Variants in PRDM10 observed in about 807,000 individuals in gnomAD.
The protein encoded by PRDM10 is PR domain zinc finger protein 10.
PRDM10 carries 65 observed loss-of-function variants against 133.1 expected under a neutral mutation model. That is an observed-to-expected ratio of 0.49 (90% CI 0.40 to 0.60). The LOEUF (loss-of-function observed/expected upper bound fraction) is 0.60. Among genes scored for constraint, PRDM10 ranks in the 20% least tolerant of loss-of-function variants. The probability of loss-of-function intolerance (pLI) is 0.00; values close to 1 mark genes in which losing one functional copy is unlikely to be tolerated. For missense variants in PRDM10, 1,137 were observed against 1,507.1 expected, an observed-to-expected ratio of 0.75 and a Z score of 4.07; for synonymous variants, 582 against 580.4, an observed-to-expected ratio of 1.00 and a Z score of -0.04.
intron 1 of PRDM10, among the ~76,000 whole-genome samples, chr11:129,971,777 G>A (rs528706414): frequency 4.6e-5 from 7 of 152,370 alleles, no homozygotes; most frequent in African/African-American, 1.7e-4. Context: ...TCACCCAGTG[G>A]ATCCCGCACC....
intron 11 of PRDM10, among the ~76,000 whole-genome samples, chr11:129,930,101 C>A (rs1950805378): frequency 6.6e-6 from 1 of 152,198 alleles, no homozygotes; most frequent in African/African-American, 2.4e-5. Context: ...ATGGACTAGA[C>A]TATTTTTCAA....
At chr11:129,920,115 T>C (rs1950479453) in intron 13 of PRDM10, among the ~76,000 whole-genome samples, 1 of 152,180 alleles carries the variant, frequency 6.6e-6, no homozygotes, top group South Asian at 2.1e-4. Context: ...TCCCACTTTT[T>C]TCTAAGCATC....
At chr11:129,978,917 T>C (rs1937945018) in intron 1 of PRDM10, among the ~76,000 whole-genome samples, 1 of 152,180 alleles carries the variant, frequency 6.6e-6, no homozygotes. Flanking sequence ...TTGTTAGCGA[T>C]GCATCAGGGC....
chr11:129,998,778 G>A (rs1230422533), intron 1 of PRDM10, among the ~76,000 whole-genome samples: 1 of 151,530 alleles, frequency 6.6e-6, no homozygotes, highest in Non-Finnish European at 1.5e-5. Context: ...AATGGCCAGA[G>A]TGCTCCACAC....
At chr11:129,998,035 C>T (rs1939151834) in intron 1 of PRDM10, among the ~76,000 whole-genome samples, 1 of 152,130 alleles carries the variant, frequency 6.6e-6, no homozygotes, top group African/African-American at 2.4e-5. Context: ...AAGCCACATA[C>T]ATAATTTAAA....
chr11:129,910,516 G>C lies in PRDM10; in HGVS notation c.3123C>G (p.His1041Gln). Residue 1041 changes from histidine to glutamine, a missense_variant, in exon 19 of 21, where the codon CAC (histidine) becomes CAG (glutamine). This residue lies in a region of PRDM10 where 243 missense variants were observed against 259.2 expected (regional missense o/e 0.94). Transcript: ENST00000360871. The stretch of plus-strand genomic sequence containing the variant: ...AATTCCAAGCACTGGGCAGGTACGT[G>C]TGCTGCACAGAGGAATTCTGCTGCT... The part of the protein sequence containing the change: ...QQQQQNSSVQ[H>Q]TYLPSAWNSF... 6.2e-7 allele frequency: 1 copy of C among 1,614,142 alleles called. No homozygotes were observed. The highest frequency in any genetic ancestry group is 8.5e-7 in the Non-Finnish European group (1 of 1,180,026).
intron 9 of PRDM10, 32 bp downstream of exon 9, chr11:129,935,069 T>C: frequency 6.5e-7 from 1 of 1,540,190 alleles, no homozygotes; most frequent in East Asian, 2.3e-5. Flanking sequence ...CTTTATGAAC[T>C]CAGTCTGTGA....
intron 1 of PRDM10, among the ~76,000 whole-genome samples, chr11:129,966,455 C>T (rs1022314728): frequency 5.9e-5 from 9 of 152,194 alleles, no homozygotes; most frequent in African/African-American, 2.2e-4. Flanking sequence ...TCACTGCCCA[C>T]TCATGTGTGA....
chr11:129,979,997 A>G (rs1246063667), intron 1 of PRDM10, among the ~76,000 whole-genome samples: 4 of 152,260 alleles, frequency 2.6e-5, no homozygotes, highest in Admixed American at 2.0e-4. Context: ...TAAAGCCACA[A>G]TGAGATGCAC....
At position 129,902,176 on chromosome 11, in the gene PRDM10, T is replaced by C; in HGVS notation, c.*137A>G. 1 of 1,244,094 alleles carries C rather than the reference T, an allele frequency of 8.0e-7. No homozygotes were observed. The allele number at this position is 1,244,094 out of a possible 1,614,324, so 77.1% of individuals were successfully genotyped here. ...CCTTGGCAAAATAAACCCCAGTGTA[T>C]GGATGAGAGACAAAACTGTGGTTTC... On this transcript the variant is annotated 3_prime_UTR_variant, in exon 21 of 21. Coordinates refer to ENST00000360871, the MANE Select transcript of PRDM10 (RefSeq NM_199437.2).
At chr11:129,971,106 A>C (rs1362538780) in intron 1 of PRDM10, among the ~76,000 whole-genome samples, 2 of 152,022 alleles carry the variant, frequency 1.3e-5, no homozygotes, top group Non-Finnish European at 2.9e-5. Flanking sequence ...TGGTGGGTTC[A>C]TGGTCTCGCT....
intron 4 of PRDM10, among the ~76,000 whole-genome samples, chr11:129,952,662 A>G (rs1280376471): frequency 6.6e-6 from 1 of 151,980 alleles, no homozygotes; most frequent in African/African-American, 2.4e-5. Context: ...GATTACAGAC[A>G]CGTGCCACCA....
chr11:129,963,148 CAAA>C (rs199907787), intron 1 of PRDM10, among the ~76,000 whole-genome samples: 1 of 125,096 alleles, frequency 8.0e-6, no homozygotes. Context: ...GACTCTATCT[CAAA>C]AAAAAAAAAA....
intron 13 of PRDM10, among the ~76,000 whole-genome samples, chr11:129,922,724 G>C (rs1403325756): frequency 6.6e-6 from 1 of 152,050 alleles, no homozygotes; most frequent in African/African-American, 2.4e-5. Flanking sequence ...GCAGGGTTTT[G>C]CTCGGCTTCT....
At chr11:129,971,142 T>C (rs976286298) in intron 1 of PRDM10, among the ~76,000 whole-genome samples, 6 of 152,200 alleles carry the variant, frequency 3.9e-5, no homozygotes, top group Non-Finnish European at 5.9e-5. Context: ...CTGCAAACCT[T>C]CGCGGTGAGT....
chr11:129,932,274 A>C, intron 9 of PRDM10, 43 bp from the exon 10 acceptor site: 1 of 1,602,232 alleles, frequency 6.2e-7, no homozygotes, highest in Non-Finnish European at 8.5e-7. Flanking sequence ...TGGTTACATA[A>C]TACTCCATAA....
intron 1 of PRDM10, among the ~76,000 whole-genome samples, chr11:129,993,635 C>G (rs994663477): frequency 1.3e-5 from 2 of 152,106 alleles, no homozygotes; most frequent in Non-Finnish European, 2.9e-5. Flanking sequence ...CAGGCACCCG[C>G]CACCACACCT....
chr11:129,935,085 T>A lies in PRDM10; in HGVS notation c.1157+16A>T. 1 of 1,584,848 alleles carries A rather than the reference T, an allele frequency of 6.3e-7. No individual in the cohort carries two copies. The highest frequency in any genetic ancestry group is 2.2e-5 in the East Asian group (1 of 44,598). On this transcript the variant is annotated intron_variant, in intron 9 of 20. Coordinates refer to ENST00000360871, the MANE Select transcript of PRDM10 (RefSeq NM_199437.2). ...TTTATGAACTCAGTCTGTGAGCATT[T>A]CTCCCTCATACATACCTGCTAAACA...
In PRDM10 at chr11:129,907,684, T is replaced by G. The variant is rs1420156221; in HGVS notation, c.3164-1943A>C. 2.6e-4 allele frequency among the ~76,000 whole-genome samples: 40 copies of G among 152,184 alleles called. 1 individual carries two copies. The highest frequency in any genetic ancestry group is 4.4e-5 in the Non-Finnish European group (3 of 67,992). ...TCCCAAAGTGCTGGGATTACAGACGTGAGCCACTGTGCCTGGCCAAGCAAA... is the reference window on the plus strand; with the variant it reads ...TCCCAAAGTGCTGGGATTACAGACGGGAGCCACTGTGCCTGGCCAAGCAAA... On this transcript the variant is annotated intron_variant, in intron 19 of 20. Transcript: ENST00000360871.
Sources: gnomAD v4.1 joint callset for allele counts (sites outside exome capture counted in the v4.1 genomes callset) on GRCh38, gnomAD v4.1.1 for gene constraint, gnomAD v4.1.1 regional missense constraint, MANE v1.5 for transcripts, NCBI Gene and HGNC (gene_info 2026-07-23, HGNC 2026-07-21) for gene names.